TMTC2: variants seen among roughly 807,000 people sequenced by gnomAD.
TMTC2 encodes transmembrane O-mannosyltransferase targeting cadherins 2.
A neutral mutation model predicts 82.4 loss-of-function variants in TMTC2; 43 were observed. The observed-to-expected ratio is 0.52, with a 90% confidence interval of 0.41 to 0.67. The LOEUF (loss-of-function observed/expected upper bound fraction) is 0.67, where lower values mean the gene tolerates loss of function less well. TMTC2 is among the 30% of genes least tolerant of loss of function. The probability of loss-of-function intolerance (pLI) is 0.00; values close to 1 mark genes in which losing one functional copy is unlikely to be tolerated. For missense variants in TMTC2, 919 were observed against 1,012.4 expected (o/e 0.91, Z 1.25); for synonymous variants, 408 against 381.9 (o/e 1.07, Z -0.80).
chr12:82,983,246 A>G (rs1222253317), intron 7 of TMTC2, among the ~76,000 whole-genome samples: 1 of 152,028 alleles, frequency 6.6e-6, no homozygotes, highest in Non-Finnish European at 1.5e-5. Context: ...TGGTTACATG[A>G]AGTTCTTCAA....
At chr12:83,109,200 G>T (rs1418365197) in intron 11 of TMTC2, among the ~76,000 whole-genome samples, 5 of 152,144 alleles carry the variant, frequency 3.3e-5, no homozygotes, top group African/African-American at 1.2e-4. Flanking sequence ...AAGCATGTTG[G>T]CATCTGCTCA....
intron 1 of TMTC2, among the ~76,000 whole-genome samples, chr12:82,738,044 T>C (rs1182782784): frequency 6.6e-6 from 1 of 152,186 alleles, no homozygotes; most frequent in Non-Finnish European, 1.5e-5. Flanking sequence ...CTGGGCAGCA[T>C]TGAGTTGCTA....
intron 1 of TMTC2, among the ~76,000 whole-genome samples, chr12:82,706,304 A>G (rs1873350343): frequency 6.9e-6 from 1 of 145,244 alleles, no homozygotes; most frequent in Non-Finnish European, 1.5e-5. Context: ...ACAACAGACA[A>G]CAAAGCAAGA....
In TMTC2 at chr12:82,866,267, A is replaced by G. The variant is rs1210668401; in HGVS notation, c.654+8687A>G. Among the ~76,000 whole-genome samples, 5 of 151,966 alleles carry G rather than the reference A, an allele frequency of 3.3e-5. No homozygotes were observed. The East Asian group carries it at 9.6e-4, about 29-fold the overall frequency. On this transcript the variant is annotated intron_variant, in intron 2 of 11. Coordinates refer to ENST00000321196, the MANE Select transcript of TMTC2 (RefSeq NM_152588.3). Reference sequence around the variant, plus strand: ...ATCAAAAAAAAAAAAAAAAAAACAAAAAACTTTCTTTCTCCTGTGTCCCTT... The same window carrying G: ...ATCAAAAAAAAAAAAAAAAAAACAAGAAACTTTCTTTCTCCTGTGTCCCTT...
intron 1 of TMTC2, among the ~76,000 whole-genome samples, chr12:82,729,425 G>C (rs1274950965): frequency 6.6e-6 from 1 of 152,062 alleles, no homozygotes; most frequent in Non-Finnish European, 1.5e-5. Context: ...TCTAGTTCAA[G>C]GTTTGTAAAT....
At chr12:82,907,191 T>C (rs1874363816) in intron 3 of TMTC2, among the ~76,000 whole-genome samples, 2 of 151,828 alleles carry the variant, frequency 1.3e-5, no homozygotes, top group Non-Finnish European at 1.5e-5. Context: ...GGGCCGGGCG[T>C]GGTGGCTCAT....
At chr12:83,123,247 C>T (rs948865240) in intron 11 of TMTC2, among the ~76,000 whole-genome samples, 1 of 152,230 alleles carries the variant, frequency 6.6e-6, no homozygotes, top group Non-Finnish European at 1.5e-5. Flanking sequence ...ATTGAAAGTA[C>T]TCCCTTTATA....
intron 4 of TMTC2, among the ~76,000 whole-genome samples, chr12:82,944,218 A>G (rs1252582433): frequency 1.3e-5 from 2 of 152,316 alleles, no homozygotes; most frequent in African/African-American, 4.8e-5. Context: ...TGTGAATAAT[A>G]TGCATAAGAA....
rs544042599 is a variant in TMTC2 at position 82,953,396 on chromosome 12, A to G, written c.1599-11628A>G. 2.0e-5 allele frequency among the ~76,000 whole-genome samples: 3 copies of G among 152,358 alleles called. No individual in the cohort carries two copies. The South Asian group carries it at 6.2e-4, about 32-fold the overall frequency. On this transcript the variant is annotated intron_variant, in intron 4 of 11. Transcript: ENST00000321196. ...GACTTATTTACAGTAAGTGAATTTA[A>G]AAAGGATTTTGAATTTAATTCCTTT...
chr12:82,696,379 G>T (rs1370759797), intron 1 of TMTC2, among the ~76,000 whole-genome samples: 2 of 152,078 alleles, frequency 1.3e-5, no homozygotes, highest in Admixed American at 6.5e-5. Context: ...TTATATTAAA[G>T]AAACAAAGTT....
intron 10 of TMTC2, 57 bp from the exon 11 acceptor site, chr12:83,061,711 T>C: frequency 1.3e-5 from 18 of 1,426,434 alleles, no homozygotes; most frequent in Non-Finnish European, 1.7e-5. Context: ...TGCACAGTGA[T>C]CCTATTTGTA....
chr12:82,951,568 G>A (rs1265058534), intron 4 of TMTC2, among the ~76,000 whole-genome samples: 2 of 151,988 alleles, frequency 1.3e-5, no homozygotes, highest in African/African-American at 2.4e-5. Context: ...CAATCCTCCC[G>A]CCTCGGCCTC....
At chr12:83,075,555 C>T (rs1328997529) in intron 11 of TMTC2, among the ~76,000 whole-genome samples, 1 of 152,088 alleles carries the variant, frequency 6.6e-6, no homozygotes, top group African/African-American at 2.4e-5. Context: ...ATCATTGAAA[C>T]AAGACCTTTG....
At chr12:82,688,337 G>A (rs1270382021) in intron 1 of TMTC2, among the ~76,000 whole-genome samples, 1 of 152,146 alleles carries the variant, frequency 6.6e-6, no homozygotes, top group Non-Finnish European at 1.5e-5. Flanking sequence ...TTAGATGTTA[G>A]TGGTTCTTTT....
chr12:82,866,338 A>G lies in TMTC2; in HGVS notation c.654+8758A>G, dbSNP rs1311824130. 2.6e-5 allele frequency among the ~76,000 whole-genome samples: 4 copies of G among 151,914 alleles called. No individual in the cohort carries two copies. The East Asian group carries it at 7.7e-4, about 29-fold the overall frequency. ...TGTTCAGATATTACTGTGAATGGCTACAAGTACAAAATACCTCTTTGTTTT... is the reference window on the plus strand; with the variant it reads ...TGTTCAGATATTACTGTGAATGGCTGCAAGTACAAAATACCTCTTTGTTTT... On this transcript the variant is annotated intron_variant, in intron 2 of 11. Coordinates refer to ENST00000321196, the MANE Select transcript of TMTC2 (RefSeq NM_152588.3).
chr12:82,844,196 T>C (rs959540958), intron 1 of TMTC2, among the ~76,000 whole-genome samples: 3 of 152,238 alleles, frequency 2.0e-5, no homozygotes, highest in Admixed American at 1.3e-4. Flanking sequence ...GTACTTTTCC[T>C]ATTTACCCTA....
At chr12:83,105,487 CT>C (rs1884363057) in intron 11 of TMTC2, among the ~76,000 whole-genome samples, 2 of 152,292 alleles carry the variant, frequency 1.3e-5, no homozygotes, top group South Asian at 4.1e-4. Context: ...TCTCCAGGAA[CT>C]TTTTCTCATA....
At chr12:83,126,020 C>T (rs2137567922) in intron 11 of TMTC2, among the ~76,000 whole-genome samples, 1 of 152,170 alleles carries the variant, frequency 6.6e-6, no homozygotes, top group South Asian at 2.1e-4. Context: ...TTTAAAGAGT[C>T]TGCATTCCAT....
intron 2 of TMTC2, among the ~76,000 whole-genome samples, chr12:82,884,384 G>A (rs1330937659): frequency 2.6e-5 from 4 of 152,116 alleles, no homozygotes; most frequent in South Asian, 2.1e-4. Context: ...GTGTCCTCTC[G>A]TACAATACAT....
Sources: gnomAD v4.1 joint callset for allele counts (sites outside exome capture counted in the v4.1 genomes callset) on GRCh38, gnomAD v4.1.1 for gene constraint, MANE v1.5 for transcripts, NCBI Gene and HGNC (gene_info 2026-07-23, HGNC 2026-07-21) for gene names.